The following CREB5 variants were observed in gnomAD, a reference collection of about 807,000 sequenced individuals.
CREB5 encodes cAMP responsive element binding protein 5.
In CREB5, 19 loss-of-function variants were observed where a neutral mutation model predicts 57.1. That is an observed-to-expected ratio of 0.33 (90% confidence interval 0.23 to 0.49). The LOEUF is 0.49. CREB5 is among the 20% of genes least tolerant of loss of function. The probability of loss-of-function intolerance (pLI) is 0.99; values close to 1 mark genes in which losing one functional copy is unlikely to be tolerated. For missense variants in CREB5, 579 were observed against 671.6 expected, an observed-to-expected ratio of 0.86 and a Z score of 1.52; for synonymous variants, 238 against 238.3, an observed-to-expected ratio of 1.00 and a Z score of 0.01.
intron 7 of CREB5, among the ~76,000 whole-genome samples, chr7:28,799,097 C>T (rs1002298402): frequency 6.6e-6 from 1 of 152,158 alleles, no homozygotes; most frequent in Non-Finnish European, 1.5e-5. Flanking sequence ...CTTAGGACTT[C>T]GAAGAGTGTC....
chr7:28,579,345 C>T (rs1215372618), intron 5 of CREB5, among the ~76,000 whole-genome samples: 1 of 152,144 alleles, frequency 6.6e-6, no homozygotes, highest in African/African-American at 2.4e-5. Context: ...ATCCATTTGC[C>T]AGGTATGTTG....
intron 1 of CREB5, among the ~76,000 whole-genome samples, chr7:28,400,043 A>G (rs1286237667): frequency 6.7e-6 from 1 of 150,138 alleles, no homozygotes; most frequent in African/African-American, 2.5e-5. Flanking sequence ...GGGTGGCAAG[A>G]GCGAAACTCT....
At chr7:28,688,228 G>A (rs2128728466) in intron 5 of CREB5, among the ~76,000 whole-genome samples, 1 of 152,244 alleles carries the variant, frequency 6.6e-6, no homozygotes, top group East Asian at 1.9e-4. Context: ...CTACCTTTGA[G>A]GAGACCTCAA....
chr7:28,534,625 T>C (rs568877580), intron 4 of CREB5, among the ~76,000 whole-genome samples: 3 of 152,158 alleles, frequency 2.0e-5, no homozygotes, highest in Non-Finnish European at 4.4e-5. Context: ...TCAGATAATA[T>C]TTCCTTCTCT....
chr7:28,493,652 A>G (rs566955042), intron 2 of CREB5, among the ~76,000 whole-genome samples: 17 of 152,184 alleles, frequency 1.1e-4, no homozygotes, highest in Non-Finnish European at 1.8e-4. Flanking sequence ...TGTCACTTTC[A>G]TTCATTACTC....
At chr7:28,313,351 C>T (rs1416158217) in intron 1 of CREB5, among the ~76,000 whole-genome samples, 2 of 152,172 alleles carry the variant, frequency 1.3e-5, no homozygotes, top group African/African-American at 4.8e-5. Context: ...TTTTCCTATC[C>T]CTTTTACCTA....
chr7:28,302,455 C>T (rs1785112876), intron 1 of CREB5, among the ~76,000 whole-genome samples: 1 of 152,188 alleles, frequency 6.6e-6, no homozygotes, highest in Non-Finnish European at 1.5e-5. Flanking sequence ...AATCAAACTA[C>T]ATGGAACATA....
At chr7:28,786,130 T>C (rs1440657576) in intron 7 of CREB5, among the ~76,000 whole-genome samples, 1 of 152,158 alleles carries the variant, frequency 6.6e-6, no homozygotes, top group Non-Finnish European at 1.5e-5. Flanking sequence ...TTTACAGGCC[T>C]TTCTCCCCAC....
intron 1 of CREB5, among the ~76,000 whole-genome samples, chr7:28,315,623 C>G (rs1296227977): frequency 6.6e-6 from 1 of 152,210 alleles, no homozygotes; most frequent in African/African-American, 2.4e-5. Flanking sequence ...TTTCAATCTT[C>G]TTTCCTCCCA....
At position 28,461,382 on chromosome 7, in the gene CREB5, C is replaced by T. The variant is rs528603869; in HGVS notation, c.4-26793C>T. 1.7e-4 allele frequency among the ~76,000 whole-genome samples: 26 copies of T among 151,634 alleles called. 1 individual carries two copies. In the East Asian group the frequency reaches 3.3e-3, roughly 19 times the overall value. On this transcript the variant is annotated intron_variant, in intron 1 of 10. Transcript: ENST00000357727. Reference sequence around the variant, plus strand: ...TTATATTAGACAGCCATCAGCAAGACGAGATGTGTTTCCTGAAGTTTTTGA... The same window carrying T: ...TTATATTAGACAGCCATCAGCAAGATGAGATGTGTTTCCTGAAGTTTTTGA...
chr7:28,364,307 G>A (rs1786546455), intron 1 of CREB5, among the ~76,000 whole-genome samples: 1 of 152,128 alleles, frequency 6.6e-6, no homozygotes, highest in Non-Finnish European at 1.5e-5. Flanking sequence ...CAAATTGCAG[G>A]AACATTAAGA....
At chr7:28,686,557 C>T (rs895888406) in intron 5 of CREB5, among the ~76,000 whole-genome samples, 11 of 151,644 alleles carry the variant, frequency 7.3e-5, no homozygotes, top group Admixed American at 2.0e-4. Context: ...CGAGAAAGAG[C>T]AAACTCGGGC....
chr7:28,313,644 G>A (rs1241372316), intron 1 of CREB5, among the ~76,000 whole-genome samples: 2 of 152,148 alleles, frequency 1.3e-5, no homozygotes, highest in Non-Finnish European at 2.9e-5. Flanking sequence ...CCAGTTCAGG[G>A]ATTTCTGTGG....
At chr7:28,621,179 G>A (rs964013821) in intron 5 of CREB5, among the ~76,000 whole-genome samples, 5 of 151,394 alleles carry the variant, frequency 3.3e-5, no homozygotes, top group Non-Finnish European at 7.4e-5. Flanking sequence ...GGCTGGCCTT[G>A]GGGATTCGGG....
intron 4 of CREB5, 33 bp from the exon 5 acceptor site, chr7:28,570,332 T>G: frequency 1.9e-6 from 3 of 1,593,504 alleles, no homozygotes; most frequent in Non-Finnish European, 2.6e-6. Context: ...CATTGACTCC[T>G]CCTGACCTTT....
Position 28,585,454 on chromosome 7 carries a change from A to C in CREB5, c.464+14917A>C, listed in dbSNP as rs79248571. On this transcript the variant is annotated intron_variant, in intron 5 of 10. Coordinates refer to ENST00000357727, the MANE Select transcript of CREB5 (RefSeq NM_182898.4). ...ATTTCTTTTAGGTGGTGCCTAATGCATCTCAGCCCCTCAGCCGGAGGGCTA... is the reference window on the plus strand; with the variant it reads ...ATTTCTTTTAGGTGGTGCCTAATGCCTCTCAGCCCCTCAGCCGGAGGGCTA... Among the ~76,000 whole-genome samples the C allele has an allele frequency of 4.0e-3, 613 of 152,292 alleles. 4 individuals are homozygous for C. Among genetic ancestry groups the C allele is most frequent in the African/African-American group, 0.014 (587 of 41,560 alleles).
intron 1 of CREB5, among the ~76,000 whole-genome samples, chr7:28,404,335 A>G (rs539769989): frequency 2.0e-5 from 3 of 152,186 alleles, no homozygotes; most frequent in African/African-American, 7.2e-5. Context: ...TTTGCATCCC[A>G]AGAAAGTTCT....
chr7:28,799,529 G>T (rs1346060880), intron 7 of CREB5, among the ~76,000 whole-genome samples: 2 of 152,194 alleles, frequency 1.3e-5, no homozygotes, highest in Non-Finnish European at 2.9e-5. Context: ...TCCCTTAACA[G>T]TATAAGCTAA....
chr7:28,540,057 T>G (rs1794145718), intron 4 of CREB5, among the ~76,000 whole-genome samples: 1 of 152,188 alleles, frequency 6.6e-6, no homozygotes, highest in African/African-American at 2.4e-5. Context: ...AGTTTATATT[T>G]TTAAGGAACG....
Sources: allele counts gnomAD v4.1 joint callset (sites outside exome capture counted in the v4.1 genomes callset), GRCh38; gene constraint gnomAD v4.1.1; transcripts MANE v1.5; gene names NCBI Gene and HGNC (gene_info 2026-07-23, HGNC 2026-07-21).